UGGT2: variants seen among roughly 807,000 people sequenced by gnomAD.
UGGT2 encodes the protein UDP-glucose:glycoprotein glucosyltransferase 2.
A neutral mutation model predicts 192.1 loss-of-function variants in UGGT2; 180 were observed. That is an observed-to-expected ratio of 0.94 (90% CI 0.83 to 1.06). The LOEUF (loss-of-function observed/expected upper bound fraction) is 1.06. Among genes scored for constraint, UGGT2 ranks in the 50% least tolerant of loss-of-function variants. The pLI is 0.00. For missense variants in UGGT2, 1,849 were observed against 1,795.7 expected, an observed-to-expected ratio of 1.03 and a Z score of -0.54; for synonymous variants, 580 against 591.0, an observed-to-expected ratio of 0.98 and a Z score of 0.27.
At chr13:95,977,338 C>T (rs1007891165) in intron 10 of UGGT2, among the ~76,000 whole-genome samples, 4 of 151,264 alleles carry the variant, frequency 2.6e-5, no homozygotes, top group South Asian at 4.3e-4. Context: ...CTACAAGGAA[C>T]TTAAACAAAT....
intron 37 of UGGT2, among the ~76,000 whole-genome samples, chr13:95,836,396 C>T (rs2139908411): frequency 6.6e-6 from 1 of 152,290 alleles, no homozygotes; most frequent in Admixed American, 6.5e-5. Flanking sequence ...AGAGTTAATA[C>T]AGAAAGCCTG....
chr13:95,847,927 G>T (rs1159102971), intron 36 of UGGT2, among the ~76,000 whole-genome samples: 1 of 152,202 alleles, frequency 6.6e-6, no homozygotes, highest in African/African-American at 2.4e-5. Flanking sequence ...TCTCAGCAAT[G>T]AACGCAAGTT....
chr13:95,808,817 C>T (rs1399158500), intron 38 of UGGT2, among the ~76,000 whole-genome samples: 4 of 152,282 alleles, frequency 2.6e-5, no homozygotes, highest in South Asian at 4.1e-4. Flanking sequence ...ACAGGACTAT[C>T]ACAACTAAAT....
At chr13:95,924,393 C>CTTTTTTTTTTTTTTTTTTTT (rs59757283) in intron 20 of UGGT2, among the ~76,000 whole-genome samples, 35 of 63,356 alleles carry the variant, frequency 5.5e-4, no homozygotes, top group South Asian at 1.4e-3. Context: ...TCCCAAACAG[C>CTTTTTTTTTTTTTTTTTTTT]TTTTTTTTTT....
intron 30 of UGGT2, among the ~76,000 whole-genome samples, chr13:95,865,842 A>G (rs770133570): frequency 6.6e-6 from 1 of 152,158 alleles, no homozygotes; most frequent in Non-Finnish European, 1.5e-5. Flanking sequence ...TATTTATCCA[A>G]CAAATACTCA....
chr13:96,034,143 T>G (rs1208922182), intron 1 of UGGT2, among the ~76,000 whole-genome samples: 1 of 152,146 alleles, frequency 6.6e-6, no homozygotes, highest in African/African-American at 2.4e-5. Context: ...TGAGATGACC[T>G]GCCTGTGGAT....
At chr13:95,978,784 T>A (rs554240917) in intron 10 of UGGT2, among the ~76,000 whole-genome samples, 1 of 152,174 alleles carries the variant, frequency 6.6e-6, no homozygotes, top group East Asian at 1.9e-4. Context: ...AATAGAAATG[T>A]TGTCATTTTC....
chr13:96,044,201 A>AC (rs766774624), intron 1 of UGGT2, among the ~76,000 whole-genome samples: 1 of 152,312 alleles, frequency 6.6e-6, no homozygotes, highest in African/African-American at 2.4e-5. Context: ...CTGAAAATCA[A>AC]CCCTAAAAGG....
At chr13:95,911,278 A>C (rs1370965488) in intron 20 of UGGT2, among the ~76,000 whole-genome samples, 1 of 152,120 alleles carries the variant, frequency 6.6e-6, no homozygotes, top group Non-Finnish European at 1.5e-5. Flanking sequence ...AAAACCCTTC[A>C]AAAAATCAAT....
At chr13:95,861,085 T>C (rs1890124289) in intron 31 of UGGT2, among the ~76,000 whole-genome samples, 1 of 152,150 alleles carries the variant, frequency 6.6e-6, no homozygotes, top group Non-Finnish European at 1.5e-5. Flanking sequence ...ATTTGTAATG[T>C]GGAATATAAC....
intron 37 of UGGT2, among the ~76,000 whole-genome samples, chr13:95,833,365 T>C (rs973736492): frequency 2.6e-5 from 4 of 152,148 alleles, no homozygotes; most frequent in Admixed American, 6.5e-5. Flanking sequence ...TACCACTATG[T>C]AGAAGAACAT....
At chr13:95,913,922 T>A (rs1158433453) in intron 20 of UGGT2, among the ~76,000 whole-genome samples, 1 of 152,172 alleles carries the variant, frequency 6.6e-6, no homozygotes, top group Non-Finnish European at 1.5e-5. Flanking sequence ...AAGGATGAGT[T>A]CATGTCCTTT....
intron 24 of UGGT2, among the ~76,000 whole-genome samples, chr13:95,892,742 CTCT>C (rs777290732): frequency 3.3e-5 from 5 of 152,144 alleles, no homozygotes; most frequent in Non-Finnish European, 7.4e-5. Flanking sequence ...TCTGTCTTCC[CTCT>C]TCTAAGAATA....
intron 1 of UGGT2, among the ~76,000 whole-genome samples, chr13:96,045,884 T>A (rs1594638672): frequency 6.6e-6 from 1 of 152,152 alleles, no homozygotes; most frequent in Middle Eastern, 3.4e-3. Flanking sequence ...ATGGGTAGAA[T>A]CAATACTGTG....
At chr13:95,866,028 C>T (rs1490182768) in intron 30 of UGGT2, among the ~76,000 whole-genome samples, 1 of 151,616 alleles carries the variant, frequency 6.6e-6, no homozygotes, top group African/African-American at 2.4e-5. Context: ...GACTTTCACA[C>T]TAGCGTGTGT....
At chr13:95,949,038 G>A (rs1344241717) in intron 13 of UGGT2, among the ~76,000 whole-genome samples, 1 of 152,088 alleles carries the variant, frequency 6.6e-6, no homozygotes, top group Non-Finnish European at 1.5e-5. Flanking sequence ...TTCCCCTTCT[G>A]CCATGACTGT....
At chr13:95,972,730 G>A (rs2050814057) in intron 10 of UGGT2, 59 bp from the exon 11 acceptor site, 1 of 1,236,620 alleles carries the variant, frequency 8.1e-7, no homozygotes, top group South Asian at 1.3e-5. Context: ...CCTATATTAG[G>A]GGTCACCATA....
chr13:95,855,469 T>C (rs950031689), intron 34 of UGGT2, among the ~76,000 whole-genome samples: 2 of 149,584 alleles, frequency 1.3e-5, no homozygotes, highest in African/African-American at 4.9e-5. Flanking sequence ...TTTGGACATA[T>C]AAATTTTGAA....
At chr13:96,030,745 C>A (rs1465992380) in intron 2 of UGGT2, among the ~76,000 whole-genome samples, 1 of 152,144 alleles carries the variant, frequency 6.6e-6, no homozygotes, top group Non-Finnish European at 1.5e-5. Flanking sequence ...GTCATCTATT[C>A]TAGTCTCTGC....
Sources: gnomAD v4.1 joint callset for allele counts (sites outside exome capture counted in the v4.1 genomes callset) on GRCh38, gnomAD v4.1.1 for gene constraint, MANE v1.5 for transcripts, NCBI Gene and HGNC (gene_info 2026-07-23, HGNC 2026-07-21) for gene names.